The following NCBP3 variants were observed in gnomAD, a reference collection of about 807,000 sequenced individuals.
NCBP3 encodes nuclear cap-binding protein subunit 3.
A neutral mutation model predicts 75.7 loss-of-function variants in NCBP3; 20 were observed. The ratio of observed to expected loss-of-function variants is 0.26; its 90% CI spans 0.19 to 0.38. The LOEUF (loss-of-function observed/expected upper bound fraction) is 0.38. NCBP3 is among the 10% of genes least tolerant of loss of function. The pLI is 1.00. For synonymous variants in NCBP3, 293 were observed against 290.5 expected (o/e 1.01, Z -0.09); for missense variants, 678 against 796.9 (o/e 0.85, Z 1.80).
chr17:3,846,206 G>T lies in NCBP3; in HGVS notation c.18C>A (p.Gly6=), dbSNP rs967712274. Reference sequence around the variant, plus strand: ...CCTCCGCCTTCACCGACACCCGCAGGCCCCGTACGGCCGCCATCGCTGCCT... The same window carrying T: ...CCTCCGCCTTCACCGACACCCGCAGTCCCCGTACGGCCGCCATCGCTGCCT... MAAVR[G]LRVSVKAEAP... Residue 6 remains glycine, a synonymous_variant, in exon 1 of 13, where the codon GGC becomes GGA. Coordinates refer to ENST00000389005, the MANE Select transcript of NCBP3 (RefSeq NM_001114118.3). This position sits in a 1 kb window ranked among gnomAD's most constrained non-coding sequence, Gnocchi z 4.6. 11 of 1,454,184 alleles carry T rather than the reference G, an allele frequency of 7.6e-6. No homozygotes were observed. The highest frequency in any genetic ancestry group is 3.0e-5 in the African/African-American group (2 of 66,594). The allele number at this position is 1,454,184 out of a possible 1,614,324, so 90.1% of individuals were successfully genotyped here. A position where few individuals can be genotyped will look rare whatever the true frequency, so the allele number is the denominator to read the frequency against.
Position 3,830,290 on chromosome 17 carries a change from T to TA in NCBP3, c.356-923dup, listed in dbSNP as rs2053855048. ...GCACGATTTCTAATAACCCAGTAGT[T>TA]ACCAGGGTAATAAATTATGCTTTAT... On this transcript the variant is annotated intron_variant, in intron 3 of 12. Transcript: ENST00000389005. Among the ~76,000 whole-genome samples the TA allele has an allele frequency of 2.0e-5, 3 of 152,324 alleles. No individual in the cohort carries two copies. In the South Asian group the frequency reaches 6.2e-4, roughly 32 times the overall value.
At chr17:3,825,695 A>T in intron 6 of NCBP3, 72 bp downstream of exon 6, 1 of 1,115,370 alleles carries the variant, frequency 9.0e-7, no homozygotes, top group Non-Finnish European at 1.3e-6. Flanking sequence ...CTAAGTCTTT[A>T]AGGCTTAAGT....
intron 2 of NCBP3, among the ~76,000 whole-genome samples, chr17:3,840,445 A>G (rs1452443742): frequency 6.6e-6 from 1 of 152,254 alleles, no homozygotes; most frequent in East Asian, 1.9e-4. Context: ...TGCCTGGGAC[A>G]TAGTAGGAAC....
chr17:3,821,984 C>T lies in NCBP3; in HGVS notation c.865G>A (p.Gly289Arg). The T allele has an allele frequency of 6.2e-7, 1 of 1,612,808 alleles. No homozygotes were observed. Among genetic ancestry groups the T allele is most frequent in the Non-Finnish European group, 8.5e-7 (1 of 1,179,228 alleles). The change falls in exon 8 of 13, where the codon GGA becomes AGA. Residue 289 changes from glycine (G) to arginine (R), a missense_variant. Transcript: ENST00000389005. ...TTGCTAAGAATTCCTTTCATGCCTC[C>T]ATAATTTGGATTCCCATATTTCATG... ...YYMKYGNPNY[G>R]GMKGILSNSW...
In NCBP3 at chr17:3,842,746, A is replaced by C. The variant is rs1020467271; in HGVS notation, c.249+340T>G. Among the ~76,000 whole-genome samples, 7 of 152,238 alleles carry C rather than the reference A, an allele frequency of 4.6e-5. No homozygotes were observed. In the East Asian group the frequency reaches 5.8e-4, roughly 13 times the overall value. The stretch of plus-strand genomic sequence containing the variant: ...GTGCAGCCTCAACCTCTCAGGCTCC[A>C]GCGATCCTCCCACCTCAGCCTCTTG... On this transcript the variant is annotated intron_variant, in intron 2 of 12. Transcript: ENST00000389005.
At chr17:3,816,439 G>C (rs774757122) in intron 10 of NCBP3, among the ~76,000 whole-genome samples, 169 bp from the exon 11 acceptor site, 7 of 152,188 alleles carry the variant, frequency 4.6e-5, no homozygotes, top group Admixed American at 3.9e-4. Flanking sequence ...TGGAAACCAT[G>C]ATCTGCCTGC....
At position 3,812,984 on chromosome 17, in the gene NCBP3, G is replaced by T; in HGVS notation, c.*60C>A. On this transcript the variant is annotated 3_prime_UTR_variant, in exon 13 of 13. Coordinates refer to ENST00000389005, the MANE Select transcript of NCBP3 (RefSeq NM_001114118.3). The stretch of plus-strand genomic sequence containing the variant: ...CTCCTGCGGGGGAGGTTCCTACTGC[G>T]CGCCCCACCCTGTGCAAGAATGTCA... 1.2e-6 allele frequency: 2 copies of T among 1,602,162 alleles called. No homozygotes were observed. Among genetic ancestry groups the T allele is most frequent in the Non-Finnish European group, 1.7e-6 (2 of 1,173,798 alleles).
In NCBP3 at chr17:3,808,728, T is replaced by TTATG. The variant is rs561256201; in HGVS notation, c.*4312_*4315dup. 1.0e-3 allele frequency: 158 copies of TTATG among 152,188 alleles called. No individual in the cohort carries two copies. Among genetic ancestry groups the TTATG allele is most frequent in the African/African-American group, 3.4e-3 (141 of 41,494 alleles). 9.4% of individuals were successfully genotyped at this position (152,188 alleles called of 1,614,324 possible). A position where few individuals can be genotyped will look rare whatever the true frequency, so the allele number is the denominator to read the frequency against. On this transcript the variant is annotated 3_prime_UTR_variant, in exon 13 of 13. Coordinates refer to ENST00000389005, the MANE Select transcript of NCBP3 (RefSeq NM_001114118.3). Reference sequence around the variant, plus strand: ...AACATGCTATCAAAAAGGGTGGAATTTATGTATGTATGTATTTTTTGAGAC... The same window carrying TTATG: ...AACATGCTATCAAAAAGGGTGGAATTTATGTATGTATGTATGTATTTTTTGAGAC...
At chr17:3,844,889 G>C (rs1019334830) in intron 1 of NCBP3, among the ~76,000 whole-genome samples, 6 of 152,216 alleles carry the variant, frequency 3.9e-5, no homozygotes, top group African/African-American at 1.4e-4. Flanking sequence ...AGCCGAGATC[G>C]CGCCATTGCG....
Position 3,806,646 on chromosome 17 carries a change from G to C in NCBP3, c.*6398C>G, listed in dbSNP as rs1471066460. The C allele has an allele frequency of 6.7e-6, 1 of 149,854 alleles. No individual in the cohort carries two copies. The highest frequency in any genetic ancestry group is 2.5e-5 in the African/African-American group (1 of 40,418). The allele number at this position is 149,854 out of a possible 1,614,324, so 9.3% of individuals were successfully genotyped here. ...GGATGCCTCACAACTACTTAAAATTGGCTTTTTGAAGCAGCATTTCCCTAA... is the reference window on the plus strand; with the variant it reads ...GGATGCCTCACAACTACTTAAAATTCGCTTTTTGAAGCAGCATTTCCCTAA... On this transcript the variant is annotated 3_prime_UTR_variant, in exon 13 of 13. Coordinates refer to ENST00000389005, the MANE Select transcript of NCBP3 (RefSeq NM_001114118.3).
At chr17:3,843,243 CTTTTTT>C (rs5818919) in intron 1 of NCBP3, 92 bp from the exon 2 acceptor site, 52 of 694,586 alleles carry the variant, frequency 7.5e-5, no homozygotes, top group African/African-American at 6.5e-4. Context: ...TTCTTTTTTC[CTTTTTT>C]TTTTTTTTTT....
intron 7 of NCBP3, chr17:3,824,427 T>TAC: frequency 6.6e-6 from 1 of 150,388 alleles, no homozygotes; most frequent in South Asian, 2.1e-4. Context: ...CATACATACA[T>TAC]ATACATACAT....
At chr17:3,839,038 G>C (rs1308811929) in intron 3 of NCBP3, among the ~76,000 whole-genome samples, 10 of 152,212 alleles carry the variant, frequency 6.6e-5, no homozygotes, top group Middle Eastern at 3.4e-3. Context: ...AACACAGAGG[G>C]AAGCCTTCTG....
rs1399398991 is a variant in NCBP3 at position 3,832,181 on chromosome 17, C to T, written c.356-2813G>A. Reference sequence around the variant, plus strand: ...ACTGGGCGACAGGGCAAGACTCCGTCGCAAAAAAAAAAAAAAAAAAAAGAG... The same window carrying T: ...ACTGGGCGACAGGGCAAGACTCCGTTGCAAAAAAAAAAAAAAAAAAAAGAG... On this transcript the variant is annotated intron_variant, in intron 3 of 12. Transcript: ENST00000389005. Among the ~76,000 whole-genome samples the T allele has an allele frequency of 5.5e-5, 4 of 73,192 alleles. 1 individual carries two copies. Among genetic ancestry groups the T allele is most frequent in the African/African-American group, 7.9e-5 (2 of 25,338 alleles). 48.0% of individuals were successfully genotyped at this position (73,192 alleles called of 152,430 possible). A position where few individuals can be genotyped will look rare whatever the true frequency, so the allele number is the denominator to read the frequency against.
chr17:3,833,608 A>G (rs1330888538), intron 3 of NCBP3, among the ~76,000 whole-genome samples: 3 of 151,468 alleles, frequency 2.0e-5, no homozygotes, highest in African/African-American at 7.3e-5. Context: ...AGAGTTTGAG[A>G]CCAGCCTGGG....
intron 4 of NCBP3, among the ~76,000 whole-genome samples, chr17:3,826,608 GT>G (rs879606400): frequency 7.3e-5 from 11 of 151,614 alleles, no homozygotes; most frequent in Non-Finnish European, 1.6e-4. Flanking sequence ...TCCAGCCTGG[GT>G]AACAGGGTGA....
At chr17:3,815,964 A>C in intron 11 of NCBP3, 152 bp downstream of exon 11, 1 of 599,982 alleles carries the variant, frequency 1.7e-6, no homozygotes, top group Non-Finnish European at 2.6e-6. Flanking sequence ...TCATTTCCTC[A>C]ATTTCCAACA....
chr17:3,842,356 T>C (rs1168247393), intron 2 of NCBP3, among the ~76,000 whole-genome samples: 1 of 151,750 alleles, frequency 6.6e-6, no homozygotes, highest in Non-Finnish European at 1.5e-5. Flanking sequence ...ACCCAGGAGG[T>C]GGAGGCTGCA....
intron 7 of NCBP3, chr17:3,824,196 T>C (rs2053726377): frequency 6.6e-6 from 1 of 152,186 alleles, no homozygotes. Context: ...ATTTCTTGAT[T>C]TTGTTAAGTG....
Sources: gnomAD v4.1 joint callset for allele counts (sites outside exome capture counted in the v4.1 genomes callset) on GRCh38, gnomAD v4.1.1 for gene constraint, Gnocchi (gnomAD v3.1) non-coding constraint, MANE v1.5 for transcripts, NCBI Gene and HGNC (gene_info 2026-07-23, HGNC 2026-07-21) for gene names.